The following EPHA6 variants were observed in gnomAD, a reference collection of about 807,000 sequenced individuals.
EPHA6 encodes the protein EPH receptor A6.
A neutral mutation model predicts 112.0 loss-of-function variants in EPHA6; 50 were observed. That is an observed-to-expected ratio of 0.45 (90% confidence interval 0.36 to 0.56). The LOEUF (loss-of-function observed/expected upper bound fraction) is 0.56. Ranked by LOEUF, EPHA6 falls within the 20% of genes least tolerant of loss-of-function variation. The pLI, the probability that EPHA6 is intolerant of heterozygous loss-of-function variation, is 0.00. For synonymous variants in EPHA6, 529 were observed against 490.7 expected (o/e 1.08, Z -1.03); for missense variants, 1,280 against 1,417.4 (o/e 0.90, Z 1.56).
intron 3 of EPHA6, among the ~76,000 whole-genome samples, chr3:97,171,729 A>G (rs1035583804): frequency 6.6e-6 from 1 of 152,034 alleles, no homozygotes; most frequent in Non-Finnish European, 1.5e-5. Context: ...TAGAGACATA[A>G]TAAGCTTAAA....
At chr3:97,686,773 G>A (rs944401315) in intron 14 of EPHA6, among the ~76,000 whole-genome samples, 2 of 152,082 alleles carry the variant, frequency 1.3e-5, no homozygotes, top group African/African-American at 4.8e-5. Context: ...TGCTGAAATC[G>A]CTCAGAATTA....
At chr3:96,981,673 C>T (rs180692322) in intron 2 of EPHA6, among the ~76,000 whole-genome samples, 10 of 151,936 alleles carry the variant, frequency 6.6e-5, no homozygotes, top group Admixed American at 2.6e-4. Flanking sequence ...GCTGTGAATC[C>T]TTCTGGTCCT....
intron 1 of EPHA6, among the ~76,000 whole-genome samples, chr3:96,846,146 T>C (rs571269153): frequency 6.6e-6 from 1 of 152,074 alleles, no homozygotes; most frequent in East Asian, 1.9e-4. Flanking sequence ...GCAAGTATTT[T>C]GTGAAATTTT....
chr3:97,374,391 G>A lies in EPHA6; in HGVS notation c.1607-30759G>A, dbSNP rs377678510. Among the ~76,000 whole-genome samples, 20 of 152,024 alleles carry A rather than the reference G, an allele frequency of 1.3e-4. No homozygotes were observed. In the East Asian group the frequency reaches 2.9e-3, roughly 22 times the overall value. ...TTATGATCATTCTTCCCTAGGCCCC[G>A]GTGGACTACAGCCTTGGTTACTGCA... On this transcript the variant is annotated intron_variant, in intron 5 of 17. Transcript: ENST00000389672.
chr3:97,300,587 C>T (rs2081054212), intron 5 of EPHA6, among the ~76,000 whole-genome samples: 1 of 152,072 alleles, frequency 6.6e-6, no homozygotes, highest in African/African-American at 2.4e-5. Context: ...AAATGGGAGG[C>T]ATATGACTAG....
intron 12 of EPHA6, among the ~76,000 whole-genome samples, chr3:97,605,344 G>T (rs185030172): frequency 2.9e-4 from 44 of 151,558 alleles, no homozygotes; most frequent in African/African-American, 1.1e-3. Context: ...GTCAAGAAGG[G>T]TATTTCCTAG....
intron 14 of EPHA6, among the ~76,000 whole-genome samples, chr3:97,652,778 A>T (rs915859238): frequency 2.0e-5 from 3 of 152,080 alleles, no homozygotes; most frequent in Admixed American, 2.0e-4. Flanking sequence ...GAAATTGCTG[A>T]ATTTCTGCAT....
chr3:96,864,140 GCAGT>G (rs1553719663), intron 1 of EPHA6, among the ~76,000 whole-genome samples: 3 of 152,046 alleles, frequency 2.0e-5, no homozygotes, highest in Non-Finnish European at 4.4e-5. Flanking sequence ...AAATTTCACA[GCAGT>G]CAGTTTTGGA....
intron 11 of EPHA6, among the ~76,000 whole-genome samples, chr3:97,585,327 T>A (rs2093478066): frequency 6.6e-6 from 1 of 152,218 alleles, no homozygotes; most frequent in Non-Finnish European, 1.5e-5. Context: ...CAATATGTCT[T>A]AGTCTTAATC....
At chr3:97,199,424 C>G (rs1483958397) in intron 3 of EPHA6, among the ~76,000 whole-genome samples, 1 of 152,044 alleles carries the variant, frequency 6.6e-6, no homozygotes, top group Non-Finnish European at 1.5e-5. Flanking sequence ...TACCCCCTAC[C>G]CGTTTCAGAG....
Position 97,483,936 on chromosome 3 carries a change from C to A in EPHA6, c.2077C>A (p.Arg693Ser). The stretch of plus-strand genomic sequence containing the variant: ...TCGTTTTGTTATTGTTGTTGCAGTG[C>A]GCTTCCCGGGAATTAAAACTTACAT... ...RRNHLQNGHL[R>S]FPGIKTYIDP... Residue 693 changes from arginine to serine, a missense_variant and splice_region_variant, in exon 10 of 18, where the codon CGC (arginine) becomes AGC (serine). Around this residue, in one of 4 missense-constraint regions of EPHA6, gnomAD observed 878 missense variants for 999.7 expected, o/e 0.88. Coordinates refer to ENST00000389672, the MANE Select transcript of EPHA6 (RefSeq NM_001080448.3). 1 of 1,592,982 alleles carries A rather than the reference C, an allele frequency of 6.3e-7. No individual in the cohort carries two copies. Among genetic ancestry groups the A allele is most frequent in the Non-Finnish European group, 8.5e-7 (1 of 1,170,800 alleles).
chr3:96,818,704 G>A (rs2033008745), intron 1 of EPHA6, among the ~76,000 whole-genome samples: 1 of 151,778 alleles, frequency 6.6e-6, no homozygotes, highest in Non-Finnish European at 1.5e-5. Context: ...AGACATTGAG[G>A]AAATTTTTAA....
At chr3:97,106,770 G>C (rs1032798485) in intron 3 of EPHA6, among the ~76,000 whole-genome samples, 1 of 152,058 alleles carries the variant, frequency 6.6e-6, no homozygotes, top group Non-Finnish European at 1.5e-5. Flanking sequence ...CCGAGGGGTC[G>C]GAGCCCCAAA....
At chr3:96,903,617 A>G (rs2038743567) in intron 2 of EPHA6, among the ~76,000 whole-genome samples, 1 of 152,170 alleles carries the variant, frequency 6.6e-6, no homozygotes, top group South Asian at 2.1e-4. Context: ...TAACTTCATA[A>G]TATTTTAATA....
At chr3:96,819,443 T>TC (rs1559747029) in intron 1 of EPHA6, among the ~76,000 whole-genome samples, 4 of 152,004 alleles carry the variant, frequency 2.6e-5, no homozygotes, top group African/African-American at 9.7e-5. Context: ...CTCTCTCTCT[T>TC]TCTCTCTCCC....
chr3:96,858,582 A>G (rs2035831176), intron 1 of EPHA6, among the ~76,000 whole-genome samples: 1 of 152,172 alleles, frequency 6.6e-6, no homozygotes, highest in Middle Eastern at 3.2e-3. Context: ...TTATCAATTC[A>G]AATTTAACTT....
At chr3:97,159,873 G>A (rs1456838706) in intron 3 of EPHA6, among the ~76,000 whole-genome samples, 1 of 152,158 alleles carries the variant, frequency 6.6e-6, no homozygotes, top group Non-Finnish European at 1.5e-5. Context: ...ATGCAAATAT[G>A]TATCTACGGT....
intron 14 of EPHA6, among the ~76,000 whole-genome samples, chr3:97,708,529 T>C (rs376372013): frequency 7.2e-5 from 11 of 152,224 alleles, no homozygotes; most frequent in African/African-American, 2.7e-4. Flanking sequence ...CCTGACCTTT[T>C]GGTAGAAAAG....
chr3:96,837,403 A>G (rs2034480602), intron 1 of EPHA6, among the ~76,000 whole-genome samples: 1 of 152,100 alleles, frequency 6.6e-6, no homozygotes, highest in African/African-American at 2.4e-5. Context: ...ATTGAACAAC[A>G]TTGTTTATGA....
Sources: allele counts gnomAD v4.1 joint callset (sites outside exome capture counted in the v4.1 genomes callset), GRCh38; gene constraint gnomAD v4.1.1; regional missense constraint gnomAD v4.1.1; transcripts MANE v1.5; gene names NCBI Gene and HGNC (gene_info 2026-07-23, HGNC 2026-07-21).